The following DSCAML1 variants were observed in gnomAD, a reference collection of about 807,000 sequenced individuals.
DSCAML1 encodes DS cell adhesion molecule like 1.
A neutral mutation model predicts 200.5 loss-of-function variants in DSCAML1; 38 were observed. The ratio of observed to expected loss-of-function variants is 0.19; its 90% CI spans 0.15 to 0.25. The LOEUF (loss-of-function observed/expected upper bound fraction) is 0.25, where lower values mean the gene tolerates loss of function less well. Ranked by LOEUF, DSCAML1 falls within the 10% of genes least tolerant of loss-of-function variation. The probability of loss-of-function intolerance (pLI) is 1.00; values close to 1 mark genes in which losing one functional copy is unlikely to be tolerated. For synonymous variants in DSCAML1, 1,215 were observed against 1,165.0 expected, an observed-to-expected ratio of 1.04 and a Z score of -0.87; for missense variants, 2,223 against 2,858.8, an observed-to-expected ratio of 0.78 and a Z score of 5.07.
At chr11:117,653,375 A>G (rs1046859226) in intron 3 of DSCAML1, among the ~76,000 whole-genome samples, 1 of 152,168 alleles carries the variant, frequency 6.6e-6, no homozygotes, top group Non-Finnish European at 1.5e-5. Flanking sequence ...TACCAGGATG[A>G]GCATCCTGGA....
intron 15 of DSCAML1, among the ~76,000 whole-genome samples, chr11:117,471,467 C>T (rs981535755): frequency 2.0e-5 from 3 of 152,174 alleles, no homozygotes; most frequent in African/African-American, 4.8e-5. Flanking sequence ...CCACCACTCT[C>T]GGCCTCTTCT....
intron 3 of DSCAML1, among the ~76,000 whole-genome samples, chr11:117,635,210 T>C (rs1252296444): frequency 6.6e-6 from 1 of 152,114 alleles, no homozygotes; most frequent in Non-Finnish European, 1.5e-5. Context: ...CACAATCAAA[T>C]TCAGTTTGAT....
At chr11:117,635,855 A>G (rs1006604614) in intron 3 of DSCAML1, among the ~76,000 whole-genome samples, 1 of 151,900 alleles carries the variant, frequency 6.6e-6, no homozygotes, top group African/African-American at 2.4e-5. Flanking sequence ...TCAGGTTACA[A>G]TCGTGGATAT....
chr11:117,802,261 C>A (rs565181243), upstream of DSCAML1, among the ~76,000 whole-genome samples: 3 of 152,250 alleles, frequency 2.0e-5, no homozygotes, highest in East Asian at 5.8e-4. Flanking sequence ...GGTCAGGCAC[C>A]CCCAGTTTTC....
intron 14 of DSCAML1, among the ~76,000 whole-genome samples, chr11:117,479,383 G>A (rs11602570): frequency 0.058 from 8,876 of 152,298 alleles, 507 homozygotes; most frequent in Admixed American, 0.18. Context: ...TTATTTTGAG[G>A]AGTGAATACA....
chr11:117,482,296 C>G (rs2048944510), intron 11 of DSCAML1, 134 bp from the exon 12 acceptor site: 6 of 999,572 alleles, frequency 6.0e-6, no homozygotes, highest in Non-Finnish European at 8.9e-6. Context: ...GTACAGGGAA[C>G]CCCACTGGCC....
At chr11:117,599,063 G>GA (rs2051415487) in intron 3 of DSCAML1, among the ~76,000 whole-genome samples, 1 of 152,166 alleles carries the variant, frequency 6.6e-6, no homozygotes, top group South Asian at 2.1e-4. Context: ...AATGATTAGA[G>GA]AATTCCTGAC....
chr11:117,441,326 G>A (rs2048042481), intron 21 of DSCAML1, among the ~76,000 whole-genome samples: 1 of 152,210 alleles, frequency 6.6e-6, no homozygotes, highest in Non-Finnish European at 1.5e-5. Flanking sequence ...AGGTGGGTGC[G>A]TGTTCTGGAG....
chr11:117,713,945 C>T (rs2053899572), intron 3 of DSCAML1, among the ~76,000 whole-genome samples: 1 of 152,182 alleles, frequency 6.6e-6, no homozygotes, highest in Non-Finnish European at 1.5e-5. Flanking sequence ...CACTGGTTAG[C>T]ACCATGGTTA....
In DSCAML1 at chr11:117,617,680, GCACACACACA is replaced by G. The variant is rs36207373; in HGVS notation, c.512-85168_512-85159del. On this transcript the variant is annotated intron_variant, in intron 3 of 32. Transcript: ENST00000651296. ...GCCACAAGACAACACACAGGTACAC[GCACACACACA>G]CACACACACACACACACACACACAC... Among the ~76,000 whole-genome samples the G allele has an allele frequency of 3.3e-3, 475 of 143,008 alleles. 2 individuals carry two copies. Among genetic ancestry groups the G allele is most frequent in the African/African-American group, 4.7e-3 (179 of 38,000 alleles). 93.8% of individuals were successfully genotyped at this position (143,008 alleles called of 152,430 possible). A position where few individuals can be genotyped will look rare whatever the true frequency, so the allele number is the denominator to read the frequency against.
intron 3 of DSCAML1, among the ~76,000 whole-genome samples, chr11:117,758,476 A>G (rs1297642666): frequency 1.3e-5 from 2 of 151,684 alleles, no homozygotes; most frequent in Non-Finnish European, 2.9e-5. Context: ...ATCTCGGCTC[A>G]CTGCAAGCTC....
chr11:117,630,861 C>T (rs1210775573), intron 3 of DSCAML1, among the ~76,000 whole-genome samples: 1 of 152,028 alleles, frequency 6.6e-6, no homozygotes, highest in Non-Finnish European at 1.5e-5. Flanking sequence ...CTCCGATACC[C>T]TTCCTAAATG....
chr11:117,750,510 A>C (rs73585249), intron 3 of DSCAML1, among the ~76,000 whole-genome samples: 148 of 152,256 alleles, frequency 9.7e-4, no homozygotes, highest in African/African-American at 3.4e-3. Flanking sequence ...AGGATAAACA[A>C]CACCCAGTGA....
intron 3 of DSCAML1, among the ~76,000 whole-genome samples, chr11:117,700,462 C>T (rs962446465): frequency 5.9e-5 from 9 of 152,226 alleles, no homozygotes; most frequent in Admixed American, 1.3e-4. Flanking sequence ...ACTCTTGTGA[C>T]CACTAGGGAA....
At chr11:117,512,907 G>A (rs2049671915) in intron 8 of DSCAML1, among the ~76,000 whole-genome samples, 1 of 152,008 alleles carries the variant, frequency 6.6e-6, no homozygotes, top group Non-Finnish European at 1.5e-5. Flanking sequence ...GAATGCATCA[G>A]ATTCAATTCA....
At chr11:117,723,721 T>C (rs1307143876) in intron 3 of DSCAML1, among the ~76,000 whole-genome samples, 1 of 152,212 alleles carries the variant, frequency 6.6e-6, no homozygotes, top group Non-Finnish European at 1.5e-5. Context: ...GACATTTGCC[T>C]TTCTCCCCAC....
At chr11:117,773,200 C>T (rs1313490860) in intron 3 of DSCAML1, among the ~76,000 whole-genome samples, 1 of 152,200 alleles carries the variant, frequency 6.6e-6, no homozygotes, top group Non-Finnish European at 1.5e-5. Flanking sequence ...AGCTCCCATC[C>T]ACAGGGGCTG....
intron 3 of DSCAML1, among the ~76,000 whole-genome samples, chr11:117,604,816 C>T (rs1591314013): frequency 6.6e-6 from 1 of 152,208 alleles, no homozygotes; most frequent in African/African-American, 2.4e-5. Flanking sequence ...CTCTCCCATG[C>T]CGCTCTGTCT....
chr11:117,428,713 C>T lies in DSCAML1; in HGVS notation c.5777G>A (p.Arg1926His), dbSNP rs747929470. The change falls in exon 33 of 33, where the codon CGT becomes CAT. Residue 1926 changes from arginine to histidine, a missense_variant. Transcript: ENST00000651296. ...GREPCPVVPP[R>H]EASIRNLART... ...AGCCAGGTTCCGGATGGAGGCCTCA[C>T]GGGGTGGGACCACGGGGCAGGGCTC... 15 of 1,613,142 alleles carry T rather than the reference C, an allele frequency of 9.3e-6. No homozygotes were observed. Among genetic ancestry groups the T allele is most frequent in the East Asian group, 2.2e-5 (1 of 44,870 alleles).
Sources: allele counts gnomAD v4.1 joint callset (sites outside exome capture counted in the v4.1 genomes callset), GRCh38; gene constraint gnomAD v4.1.1; transcripts MANE v1.5; gene names NCBI Gene and HGNC (gene_info 2026-07-23, HGNC 2026-07-21).